Variants in CHIC1 observed in about 807,000 individuals in gnomAD.
CHIC1 encodes cysteine-rich hydrophobic domain-containing protein 1.
Under a neutral mutation model 18.5 loss-of-function variants are expected in CHIC1, and 7 were observed. The ratio of observed to expected loss-of-function variants is 0.38; its 90% CI spans 0.22 to 0.71. The LOEUF is 0.71. CHIC1 is among the 30% of genes least tolerant of loss of function. The pLI, the probability that CHIC1 is intolerant of heterozygous loss-of-function variation, is 0.49. For synonymous variants in CHIC1, 77 were observed against 73.5 expected (o/e 1.05, Z -0.25); for missense variants, 159 against 176.9 (o/e 0.90, Z 0.57).
At chrX:73,598,266 T>C (rs2057621445) in intron 3 of CHIC1, among the ~76,000 whole-genome samples, 1 of 111,172 alleles carries the variant, frequency 9.0e-6, no homozygotes, top group Non-Finnish European at 1.9e-5. Flanking sequence ...TCCTGACTTT[T>C]TAATGATCAC....
At chrX:73,660,058 A>T (rs1298571097) in intron 3 of CHIC1, among the ~76,000 whole-genome samples, 3 of 111,987 alleles carry the variant, frequency 2.7e-5, no homozygotes, top group African/African-American at 9.7e-5. Context: ...CTCCCAGCCA[A>T]AGTGGAATCC....
At position 73,683,066 on chromosome X, in the gene CHIC1, T is replaced by G. The variant is rs2058105579; in HGVS notation, c.*2061T>G. The G allele has an allele frequency of 9.0e-6, 1 of 111,263 alleles. No homozygotes were observed. Among genetic ancestry groups the G allele is most frequent in the African/African-American group, 3.3e-5 (1 of 30,713 alleles). 9.2% of individuals were successfully genotyped at this position (111,263 alleles called of 1,213,427 possible). A position where few individuals can be genotyped will look rare whatever the true frequency, so the allele number is the denominator to read the frequency against. On this transcript the variant is annotated 3_prime_UTR_variant, in exon 6 of 6. Coordinates refer to ENST00000373502, the MANE Select transcript of CHIC1 (RefSeq NM_001039840.4). The stretch of plus-strand genomic sequence containing the variant: ...ATATGATGGTCATAGGAACTTTTTC[T>G]GCCATGTATAAATCACACTTGGTTT...
chrX:73,674,305 A>G (rs1286974769), intron 3 of CHIC1, among the ~76,000 whole-genome samples: 2 of 112,081 alleles, frequency 1.8e-5, no homozygotes, highest in South Asian at 3.7e-4. Context: ...TTCAGAAGGA[A>G]TGGTACCAGC....
At chrX:73,645,114 C>G (rs1261894333) in intron 3 of CHIC1, among the ~76,000 whole-genome samples, 2 of 112,268 alleles carry the variant, frequency 1.8e-5, no homozygotes, top group East Asian at 2.8e-4. Flanking sequence ...CATCTTGGCT[C>G]CGGAAGCTGA....
intron 1 of CHIC1, among the ~76,000 whole-genome samples, chrX:73,569,593 G>A (rs759589411): frequency 9.0e-6 from 1 of 111,447 alleles, no homozygotes; most frequent in African/African-American, 3.3e-5. Flanking sequence ...AAGTAGATGA[G>A]TTTGTCTAGC....
intron 3 of CHIC1, among the ~76,000 whole-genome samples, chrX:73,608,953 A>T (rs1275898694): frequency 1.9e-5 from 2 of 106,916 alleles, no homozygotes; most frequent in Non-Finnish European, 3.8e-5. Flanking sequence ...GGAGTTCAAG[A>T]CCAGCCTGGC....
intron 3 of CHIC1, among the ~76,000 whole-genome samples, chrX:73,676,891 C>T (rs752926958): frequency 2.7e-5 from 3 of 111,256 alleles, no homozygotes; most frequent in East Asian, 2.8e-4. Context: ...TGATGATGGT[C>T]ACGTACAGAT....
Position 73,686,466 on chromosome X carries a change from AAATATC to A in CHIC1, c.*5465_*5470del, listed in dbSNP as rs778296016. 23 of 112,055 alleles carry A rather than the reference AAATATC, an allele frequency of 2.1e-4. No homozygotes were observed. In the Middle Eastern group the frequency reaches 0.014, roughly 67 times the overall value. The allele number at this position is 112,055 out of a possible 1,213,427, so 9.2% of individuals were successfully genotyped here. On this transcript the variant is annotated 3_prime_UTR_variant, in exon 6 of 6. Coordinates refer to ENST00000373502, the MANE Select transcript of CHIC1 (RefSeq NM_001039840.4). ...TAATGTCATATTCTAGCATTGGACTAAATATCAATTTCTGACTCTTAAAGTAGTTCT... is the reference window on the plus strand; with the variant it reads ...TAATGTCATATTCTAGCATTGGACTAAATTTCTGACTCTTAAAGTAGTTCT...
chrX:73,649,380 C>T (rs778273025), intron 3 of CHIC1, among the ~76,000 whole-genome samples: 1 of 111,428 alleles, frequency 9.0e-6, no homozygotes, highest in South Asian at 3.8e-4. Context: ...GAGCTAAATG[C>T]CCTAATTGAA....
intron 3 of CHIC1, among the ~76,000 whole-genome samples, chrX:73,656,516 A>G (rs918455023): frequency 2.7e-5 from 3 of 111,855 alleles, no homozygotes; most frequent in Non-Finnish European, 3.8e-5. Context: ...AGTTTTTTGC[A>G]TATGGCTAGC....
chrX:73,671,613 T>A (rs902576235), intron 3 of CHIC1, among the ~76,000 whole-genome samples: 1 of 111,758 alleles, frequency 8.9e-6, no homozygotes, highest in Non-Finnish European at 1.9e-5. Flanking sequence ...CTAGAATTTC[T>A]GTTTTGTTCT....
chrX:73,574,733 C>A (rs781366417), intron 1 of CHIC1, among the ~76,000 whole-genome samples: 2 of 110,390 alleles, frequency 1.8e-5, no homozygotes, highest in African/African-American at 6.5e-5. Flanking sequence ...AATAGTTATA[C>A]GAATATTTTT....
At chrX:73,658,641 C>T (rs898796754) in intron 3 of CHIC1, among the ~76,000 whole-genome samples, 17 of 109,015 alleles carry the variant, frequency 1.6e-4, no homozygotes, top group African/African-American at 4.7e-4. Flanking sequence ...CTTTCAGTTC[C>T]ACTCTGATCT....
Position 73,687,088 on chromosome X carries a change from G to A in CHIC1, c.*6083G>A, listed in dbSNP as rs1481154671. 4 of 111,646 alleles carry A rather than the reference G, an allele frequency of 3.6e-5. No individual in the cohort carries two copies. The highest frequency in any genetic ancestry group is 1.3e-4 in the African/African-American group (4 of 30,799). The allele number at this position is 111,646 out of a possible 1,213,427, so 9.2% of individuals were successfully genotyped here. A position where few individuals can be genotyped will look rare whatever the true frequency, so the allele number is the denominator to read the frequency against. On this transcript the variant is annotated 3_prime_UTR_variant, in exon 6 of 6. Coordinates refer to ENST00000373502, the MANE Select transcript of CHIC1 (RefSeq NM_001039840.4). ...TCAGGATGCAAATTTAAAATAAAGTGTAAATCTATGTTAATGAATTGAATT... is the reference window on the plus strand; with the variant it reads ...TCAGGATGCAAATTTAAAATAAAGTATAAATCTATGTTAATGAATTGAATT...
At chrX:73,657,928 G>A (rs998809920) in intron 3 of CHIC1, among the ~76,000 whole-genome samples, 5 of 111,056 alleles carry the variant, frequency 4.5e-5, no homozygotes, top group African/African-American at 1.6e-4. Context: ...TTTTTGATTT[G>A]TATACGTTGA....
chrX:73,606,887 C>T (rs1390481746), intron 3 of CHIC1, among the ~76,000 whole-genome samples: 2 of 108,937 alleles, frequency 1.8e-5, no homozygotes, highest in Non-Finnish European at 3.8e-5. Flanking sequence ...CAGATGCCAG[C>T]TGGAGCTCCC....
rs1184009848 is a variant in CHIC1 at position 73,682,299 on chromosome X, A to G, written c.*1294A>G. 2 of 112,213 alleles carry G rather than the reference A, an allele frequency of 1.8e-5. No homozygotes were observed. Among genetic ancestry groups the G allele is most frequent in the African/African-American group, 6.4e-5 (2 of 31,018 alleles). The allele number at this position is 112,213 out of a possible 1,213,427, so 9.2% of individuals were successfully genotyped here. On this transcript the variant is annotated 3_prime_UTR_variant, in exon 6 of 6. Transcript: ENST00000373502. ...TATTTCTCTATTTTTCTTCACAATT[A>G]AAATGATTGCTAGCACCACACAACT...
At chrX:73,637,027 C>G (rs886982483) in intron 3 of CHIC1, among the ~76,000 whole-genome samples, 120 of 111,657 alleles carry the variant, frequency 1.1e-3, no homozygotes, top group African/African-American at 3.4e-3. Flanking sequence ...GAGTTACTTT[C>G]TAGCATCGTT....
chrX:73,565,670 T>C (rs1057151538), intron 1 of CHIC1, among the ~76,000 whole-genome samples: 1 of 112,092 alleles, frequency 8.9e-6, no homozygotes, highest in African/African-American at 3.2e-5. Context: ...TTTAACTGGA[T>C]CTGAGAAATG....
Sources: allele counts gnomAD v4.1 joint callset (sites outside exome capture counted in the v4.1 genomes callset), GRCh38; gene constraint gnomAD v4.1.1; transcripts MANE v1.5; gene names NCBI Gene and HGNC (gene_info 2026-07-23, HGNC 2026-07-21).